IL13RA1: variants seen among roughly 807,000 people sequenced by gnomAD.
IL13RA1 encodes the protein interleukin-13 receptor subunit alpha-1.
Under a neutral mutation model 33.8 loss-of-function variants are expected in IL13RA1, and 14 were observed. The ratio of observed to expected loss-of-function variants is 0.41; its 90% CI spans 0.27 to 0.65. IL13RA1 has a LOEUF of 0.65. Ranked by LOEUF, IL13RA1 falls within the 30% of genes least tolerant of loss-of-function variation. IL13RA1 has a pLI of 0.28. For missense variants in IL13RA1, 313 were observed against 327.0 expected (o/e 0.96, Z 0.33); for synonymous variants, 116 against 115.7 (o/e 1.00, Z -0.02).
rs61230421 is a variant in IL13RA1 at position 118,748,005 on chromosome X, T to TTGTGTGTGTGTGTG, written c.367+933_367+946dup. ...AATAGTGCCTGGCAAAGAGTGAATG[T>TTGTGTGTGTGTGTG]TGTGTGTGTGTGTGTGTGTGTGTGT... is the stretch of plus-strand genomic sequence containing the variant. On this transcript the variant is annotated intron_variant, in intron 3 of 10. Transcript: ENST00000371666. Among the ~76,000 whole-genome samples the TTGTGTGTGTGTGTG allele has an allele frequency of 8.7e-4, 77 of 88,855 alleles. 1 individual carries two copies. Among genetic ancestry groups the TTGTGTGTGTGTGTG allele is most frequent in the African/African-American group, 1.4e-3 (34 of 23,807 alleles). 77.2% of individuals were successfully genotyped at this position (88,855 alleles called of 115,157 possible).
chrX:118,758,219 A>G lies in IL13RA1; in HGVS notation c.653A>G (p.Asn218Ser), dbSNP rs1369745889. The G allele has an allele frequency of 9.3e-7, 1 of 1,078,460 alleles. No homozygotes were observed. Among genetic ancestry groups the G allele is most frequent in the Non-Finnish European group, 1.3e-6 (1 of 786,224 alleles). The allele number at this position is 1,078,460 out of a possible 1,213,427, so 88.9% of individuals were successfully genotyped here. Residue 218 changes from asparagine to serine, a missense_variant, in exon 5 of 11, where the codon AAT (asparagine) becomes AGT (serine). Asn to Ser is a conservative substitution (Grantham distance 46). Transcript: ENST00000371666. ...DNAGKIKPSF[N>S]IVPLTSRVKP... ...GCAGGAAAAATTAAACCATCCTTCAATATAGTGCCTTTAACTTCCCGTGGT... is the reference window on the plus strand; with the variant it reads ...GCAGGAAAAATTAAACCATCCTTCAGTATAGTGCCTTTAACTTCCCGTGGT...
At chrX:118,752,082 A>G (rs1050588591) in intron 4 of IL13RA1, among the ~76,000 whole-genome samples, 2 of 109,520 alleles carry the variant, frequency 1.8e-5, no homozygotes, top group Non-Finnish European at 3.8e-5. Flanking sequence ...TCCCCCCCTG[A>G]TGTAAATCTC....
intron 1 of IL13RA1, among the ~76,000 whole-genome samples, chrX:118,728,191 C>T (rs1023242686): frequency 8.9e-6 from 1 of 112,401 alleles, no homozygotes; most frequent in Non-Finnish European, 1.9e-5. Flanking sequence ...GAGAACGCGC[C>T]GGGGCTCTTT....
chrX:118,789,146 G>C (rs2017951545), intron 10 of IL13RA1, among the ~76,000 whole-genome samples: 1 of 112,350 alleles, frequency 8.9e-6, no homozygotes, highest in Non-Finnish European at 1.9e-5. Flanking sequence ...GGCTAAATAA[G>C]TTATGGTGCA....
chrX:118,766,714 A>G (rs1237614342), intron 7 of IL13RA1, 130 bp from the exon 8 acceptor site: 1 of 602,578 alleles, frequency 1.7e-6, no homozygotes, highest in Non-Finnish European at 2.6e-6. Flanking sequence ...CGAAAAGTCA[A>G]AGATAATTTG....
chrX:118,748,528 C>G (rs2017435952), intron 3 of IL13RA1, among the ~76,000 whole-genome samples: 2 of 109,569 alleles, frequency 1.8e-5, no homozygotes, highest in Non-Finnish European at 1.9e-5. Flanking sequence ...TGCTTGTAGT[C>G]CCAGCTACTC....
chrX:118,746,901 T>C, intron 2 of IL13RA1, 53 bp from the exon 3 acceptor site: 2 of 943,878 alleles, frequency 2.1e-6, no homozygotes, highest in Non-Finnish European at 3.0e-6. Flanking sequence ...AATGTTTCAT[T>C]ATATAAGTGT....
intron 8 of IL13RA1, among the ~76,000 whole-genome samples, chrX:118,772,427 T>C (rs1456029229): frequency 1.8e-5 from 2 of 112,901 alleles, no homozygotes; most frequent in African/African-American, 6.4e-5. Context: ...TAAACTAGAA[T>C]CTTAACATTA....
In IL13RA1 at chrX:118,741,241, C is replaced by T. The variant is rs115724520; in HGVS notation, c.228+85C>T. On this transcript the variant is annotated intron_variant, in intron 2 of 10. Transcript: ENST00000371666. Reference sequence around the variant, plus strand: ...AAGAATAAGCCAAATTCTAGTCTTACGTCAAAGTGGAAATTGTATTTTAGG... The same window carrying T: ...AAGAATAAGCCAAATTCTAGTCTTATGTCAAAGTGGAAATTGTATTTTAGG... The T allele has an allele frequency of 1.9e-3, 1,158 of 594,965 alleles. 9 individuals carry two copies. In the African/African-American group the frequency reaches 0.023, roughly 12 times the overall value. The allele number at this position is 594,965 out of a possible 1,213,427, so 49.0% of individuals were successfully genotyped here. A position where few individuals can be genotyped will look rare whatever the true frequency, so the allele number is the denominator to read the frequency against.
At chrX:118,773,348 C>G (rs2017745562) in intron 8 of IL13RA1, among the ~76,000 whole-genome samples, 2 of 111,278 alleles carry the variant, frequency 1.8e-5, no homozygotes, top group South Asian at 7.6e-4. Context: ...AAAATTAACT[C>G]GGTGTGGTGG....
intron 1 of IL13RA1, among the ~76,000 whole-genome samples, chrX:118,728,897 A>C (rs745861691): frequency 5.4e-5 from 6 of 111,578 alleles, no homozygotes; most frequent in Admixed American, 1.9e-4. Flanking sequence ...TGCCATTGTA[A>C]AAAGGGTGGA....
chrX:118,797,500 A>C (rs2018038253), downstream of IL13RA1, among the ~76,000 whole-genome samples: 2 of 112,233 alleles, frequency 1.8e-5, no homozygotes, highest in Non-Finnish European at 3.8e-5. Context: ...TATAGGGCTT[A>C]TCATTTAAAA....
intron 10 of IL13RA1, among the ~76,000 whole-genome samples, chrX:118,790,891 A>G (rs1425506951): frequency 8.9e-6 from 1 of 111,810 alleles, no homozygotes; most frequent in Non-Finnish European, 1.9e-5. Context: ...AGGGTTTGGT[A>G]GACTTTTTTC....
At chrX:118,800,251 CT>C in the IL13RA1 span, among the ~76,000 whole-genome samples, 2 of 110,895 alleles carry the variant, frequency 1.8e-5, no homozygotes, top group African/African-American at 6.6e-5. Context: ...AGCAGGCTGC[CT>C]GAGCCAGCAG....
At chrX:118,771,837 G>A (rs978127762) in intron 8 of IL13RA1, among the ~76,000 whole-genome samples, 1 of 111,438 alleles carries the variant, frequency 9.0e-6, no homozygotes, top group African/African-American at 3.3e-5. Context: ...AGCTGGGCAT[G>A]GTGGCAGATG....
chrX:118,771,239 T>C (rs2017716245), intron 8 of IL13RA1, among the ~76,000 whole-genome samples: 1 of 98,869 alleles, frequency 1.0e-5, no homozygotes, highest in African/African-American at 3.8e-5. Flanking sequence ...ATCAGGCAGC[T>C]GGCAAGTGGT....
At chrX:118,774,769 A>G (rs1287169819) in intron 9 of IL13RA1, among the ~76,000 whole-genome samples, 1 of 112,120 alleles carries the variant, frequency 8.9e-6, no homozygotes, top group African/African-American at 3.2e-5. Context: ...TCTCTATCTC[A>G]TTATAGGACT....
At chrX:118,757,516 C>T (rs1393224930) in intron 4 of IL13RA1, among the ~76,000 whole-genome samples, 3 of 74,630 alleles carry the variant, frequency 4.0e-5, no homozygotes, top group Admixed American at 1.7e-4. Context: ...CAGAGTGAGA[C>T]TCTGTCTCAA....
chrX:118,784,101 A>ATATATATG (rs2017881085), intron 10 of IL13RA1, among the ~76,000 whole-genome samples: 1 of 65,499 alleles, frequency 1.5e-5, no homozygotes, highest in Admixed American at 2.6e-4. Flanking sequence ...ATATATATAT[A>ATATATATG]TATATATACG....
Sources: allele counts gnomAD v4.1 joint callset (sites outside exome capture counted in the v4.1 genomes callset), GRCh38; gene constraint gnomAD v4.1.1; transcripts MANE v1.5; gene names NCBI Gene and HGNC (gene_info 2026-07-23, HGNC 2026-07-21).